Variants in CADM2 observed in about 807,000 individuals in gnomAD.
CADM2 encodes cell adhesion molecule 2.
CADM2 carries 12 observed loss-of-function variants against 49.8 expected under a neutral mutation model. The ratio of observed to expected loss-of-function variants is 0.24; its 90% CI spans 0.15 to 0.39. The LOEUF is 0.39. Among genes scored for constraint, CADM2 ranks in the 10% least tolerant of loss-of-function variants. CADM2 has a pLI of 1.00. For synonymous variants in CADM2, 214 were observed against 175.4 expected (o/e 1.22, Z -1.74); for missense variants, 378 against 492.3 (o/e 0.77, Z 2.20).
At chr3:85,835,363 T>A (rs918164411) in intron 3 of CADM2, among the ~76,000 whole-genome samples, 4 of 150,912 alleles carry the variant, frequency 2.7e-5, no homozygotes, top group Admixed American at 2.0e-4. Context: ...TTAATCACTG[T>A]TTATTCTGAG....
At chr3:85,491,879 C>A (rs1283443106) in intron 1 of CADM2, among the ~76,000 whole-genome samples, 72 of 150,694 alleles carry the variant, frequency 4.8e-4, no homozygotes, top group Non-Finnish European at 1.0e-4. Context: ...GTGAATCGGG[C>A]AGGCGGAGCT....
chr3:85,555,593 C>T (rs1169298133), intron 1 of CADM2, among the ~76,000 whole-genome samples: 7 of 151,568 alleles, frequency 4.6e-5, no homozygotes, highest in African/African-American at 1.7e-4. Context: ...TTATTTTTAC[C>T]CTAAGCCTAA....
intron 1 of CADM2, among the ~76,000 whole-genome samples, chr3:85,674,648 A>G (rs207463283): frequency 2.6e-5 from 4 of 152,198 alleles, no homozygotes; most frequent in African/African-American, 4.8e-5. Flanking sequence ...CTCATACTCT[A>G]TGACAGACAG....
At chr3:85,259,520 G>A (rs368588397) in intron 1 of CADM2, among the ~76,000 whole-genome samples, 2 of 152,076 alleles carry the variant, frequency 1.3e-5, no homozygotes, top group East Asian at 1.9e-4. Context: ...ATATGGAAAT[G>A]ATGCCTTCAG....
intron 8 of CADM2, among the ~76,000 whole-genome samples, chr3:86,043,987 C>G (rs1321045080): frequency 6.6e-6 from 1 of 150,870 alleles, no homozygotes; most frequent in Non-Finnish European, 1.5e-5. Context: ...ATAAATGGTG[C>G]TGGGAAAACT....
chr3:85,620,094 C>T (rs12486576), intron 1 of CADM2, among the ~76,000 whole-genome samples: 19,027 of 152,084 alleles, frequency 0.13, 1,333 homozygotes, highest in African/African-American at 0.19. Context: ...TGATTCATGC[C>T]CAATAGCCCA....
In CADM2 at chr3:85,188,449, A is replaced by G. The variant is rs113669173; in HGVS notation, c.61+228781A>G. On this transcript the variant is annotated intron_variant, in intron 1 of 9. Transcript: ENST00000383699. ...CAGAATGATAATTACAATGTCTATA[A>G]TTATTTCTGTATTTGCTCAGTATAT... 2.1e-3 allele frequency among the ~76,000 whole-genome samples: 319 copies of G among 152,268 alleles called. 1 individual carries two copies. Among genetic ancestry groups the G allele is most frequent in the African/African-American group, 7.3e-3 (302 of 41,576 alleles).
At position 85,466,474 on chromosome 3, in the gene CADM2, A is replaced by T. The variant is rs377444534; in HGVS notation, c.62-260048A>T. ...GCTAAAAACGCTTTGCCTTTTTTGCAGTGGAAGAATAAGGTAGTTGCCATT... is the reference window on the plus strand; with the variant it reads ...GCTAAAAACGCTTTGCCTTTTTTGCTGTGGAAGAATAAGGTAGTTGCCATT... On this transcript the variant is annotated intron_variant, in intron 1 of 9. Transcript: ENST00000383699. 6.6e-5 allele frequency among the ~76,000 whole-genome samples: 10 copies of T among 152,280 alleles called. No individual in the cohort carries two copies. In the East Asian group the frequency reaches 1.7e-3, roughly 26 times the overall value.
intron 3 of CADM2, among the ~76,000 whole-genome samples, chr3:85,829,546 A>G (rs1032811123): frequency 6.6e-6 from 1 of 151,998 alleles, no homozygotes; most frequent in South Asian, 2.1e-4. Flanking sequence ...ATAAGTATGC[A>G]TTGTGTAATG....
chr3:85,731,695 T>C (rs1244985739), intron 2 of CADM2, among the ~76,000 whole-genome samples: 2 of 152,112 alleles, frequency 1.3e-5, no homozygotes, highest in Non-Finnish European at 2.9e-5. Flanking sequence ...AAGATGTGAA[T>C]GATCCACTAG....
chr3:85,801,183 A>C (rs551364356), intron 2 of CADM2, among the ~76,000 whole-genome samples: 1 of 152,278 alleles, frequency 6.6e-6, no homozygotes, highest in African/African-American at 2.4e-5. Flanking sequence ...CGTGTGCATA[A>C]ATTTTGATTA....
rs186227152 is a variant in CADM2 at position 85,802,084 on chromosome 3, C to T, written c.126C>T (p.Thr42=). The T allele has an allele frequency of 1.3e-4, 214 of 1,612,548 alleles. No individual in the cohort carries two copies. Among genetic ancestry groups the T allele is most frequent in the East Asian group, 9.4e-4 (42 of 44,776 alleles). The change falls in exon 3 of 10, where the codon ACC becomes ACT. Residue 42 remains threonine (T), a synonymous_variant. Coordinates refer to ENST00000383699, the MANE Select transcript of CADM2 (RefSeq NM_001167675.2). ...AGTTTCCACTAACACAGAATGTAAC[C>T]GTTGTTGAAGGTGGAACTGCAATTT... ...QGQFPLTQNV[T]VVEGGTAILT...
At chr3:85,355,135 G>C (rs1049389820) in intron 1 of CADM2, among the ~76,000 whole-genome samples, 2 of 152,026 alleles carry the variant, frequency 1.3e-5, no homozygotes, top group African/African-American at 4.8e-5. Flanking sequence ...CAGGACGGTG[G>C]TCAGTTTTTA....
chr3:84,982,737 A>ATATT (rs1553663805), intron 1 of CADM2, among the ~76,000 whole-genome samples: 1 of 115,374 alleles, frequency 8.7e-6, no homozygotes, highest in Non-Finnish European at 1.7e-5. Flanking sequence ...ATATATATAC[A>ATATT]TTTTTTGTTT....
chr3:85,854,433 G>A (rs144963492), intron 3 of CADM2, among the ~76,000 whole-genome samples: 135 of 152,246 alleles, frequency 8.9e-4, no homozygotes, highest in African/African-American at 2.9e-3. Context: ...TATACACCAT[G>A]GAATACTATG....
At chr3:85,032,405 G>T (rs1287859688) in intron 1 of CADM2, among the ~76,000 whole-genome samples, 1 of 151,944 alleles carries the variant, frequency 6.6e-6, no homozygotes. Context: ...AAGTCATGTG[G>T]GGACGCTCAG....
intron 1 of CADM2, among the ~76,000 whole-genome samples, chr3:85,515,425 C>CTTTTTTTTT (rs10662116): frequency 1.4e-5 from 2 of 141,710 alleles, no homozygotes; most frequent in Non-Finnish European, 3.0e-5. Context: ...TTGTTTGTTT[C>CTTTTTTTTT]TTTTTTTTTT....
intron 1 of CADM2, among the ~76,000 whole-genome samples, chr3:85,065,186 T>C (rs1307339918): frequency 6.6e-6 from 1 of 152,130 alleles, no homozygotes; most frequent in Non-Finnish European, 1.5e-5. Flanking sequence ...CTTCATCTGA[T>C]ATTTCTGTTT....
intron 1 of CADM2, among the ~76,000 whole-genome samples, chr3:85,275,774 A>ATG (rs1323420444): frequency 6.6e-6 from 1 of 151,080 alleles, no homozygotes; most frequent in East Asian, 1.9e-4. Context: ...CTATATATAT[A>ATG]AAATAATAAG....
Sources: allele counts gnomAD v4.1 joint callset (sites outside exome capture counted in the v4.1 genomes callset), GRCh38; gene constraint gnomAD v4.1.1; transcripts MANE v1.5; gene names NCBI Gene and HGNC (gene_info 2026-07-23, HGNC 2026-07-21).